The following CDH13 variants were observed in gnomAD, a reference collection of about 807,000 sequenced individuals.
CDH13 encodes cadherin-13.
Under a neutral mutation model 63.8 loss-of-function variants are expected in CDH13, and 24 were observed. The ratio of observed to expected loss-of-function variants is 0.38; its 90% CI spans 0.27 to 0.53. CDH13 has a LOEUF of 0.53. CDH13 is among the 20% of genes least tolerant of loss of function. The probability of loss-of-function intolerance (pLI) is 0.85; values close to 1 mark genes in which losing one functional copy is unlikely to be tolerated. For synonymous variants in CDH13, 503 were observed against 355.3 expected, an observed-to-expected ratio of 1.42 and a Z score of -4.67; for missense variants, 1,049 against 903.1, an observed-to-expected ratio of 1.16 and a Z score of -2.07.
intron 13 of CDH13, among the ~76,000 whole-genome samples, chr16:83,786,876 C>G (rs1195683591): frequency 6.6e-6 from 1 of 152,176 alleles, no homozygotes; most frequent in Non-Finnish European, 1.5e-5. Flanking sequence ...GTGTGAGCCA[C>G]CACACCCAGC....
At chr16:83,754,891 C>T (rs1225031164) in intron 11 of CDH13, among the ~76,000 whole-genome samples, 3 of 152,080 alleles carry the variant, frequency 2.0e-5, no homozygotes, top group African/African-American at 7.2e-5. Flanking sequence ...GAGGGAAAAA[C>T]TCATAGCACC....
intron 5 of CDH13, among the ~76,000 whole-genome samples, chr16:83,308,415 C>A (rs573324277): frequency 6.6e-6 from 1 of 152,244 alleles, no homozygotes; most frequent in South Asian, 2.1e-4. Flanking sequence ...ATTTCAAGGT[C>A]CAACACAGGA....
In CDH13 at chr16:83,633,988, T is replaced by G. The variant is rs1012563593; in HGVS notation, c.1101+31394T>G. 5.9e-5 allele frequency among the ~76,000 whole-genome samples: 9 copies of G among 152,314 alleles called. No homozygotes were observed. In the South Asian group the frequency reaches 1.0e-3, roughly 18 times the overall value. On this transcript the variant is annotated intron_variant, in intron 8 of 13. Coordinates refer to ENST00000567109, the MANE Select transcript of CDH13 (RefSeq NM_001257.5). ...ATAGTGCCAGAAGCACCTTGAACCC[T>G]TCTCTCAGCTTCCTCCGTAGTAACA...
chr16:82,892,276 C>G (rs770333442), intron 2 of CDH13, among the ~76,000 whole-genome samples: 15 of 152,166 alleles, frequency 9.9e-5, no homozygotes, highest in East Asian at 3.9e-4. Flanking sequence ...TAAGAATTTG[C>G]TTTTGTTATT....
At chr16:83,502,079 G>T (rs117689922) in intron 7 of CDH13, among the ~76,000 whole-genome samples, 3 of 152,168 alleles carry the variant, frequency 2.0e-5, no homozygotes, top group African/African-American at 7.2e-5. Flanking sequence ...CTCATAGCAC[G>T]GCCTGTGTGG....
chr16:83,434,426 C>T (rs759163548), intron 6 of CDH13, among the ~76,000 whole-genome samples: 14 of 152,132 alleles, frequency 9.2e-5, no homozygotes, highest in East Asian at 1.9e-4. Flanking sequence ...AAATATAAAG[C>T]AGTGTCTATC....
intron 6 of CDH13, among the ~76,000 whole-genome samples, chr16:83,468,499 G>A (rs1028686836): frequency 3.3e-5 from 5 of 152,194 alleles, no homozygotes; most frequent in African/African-American, 1.2e-4. Flanking sequence ...CCAGTTCGTG[G>A]TATTTGTTAC....
At chr16:82,657,316 C>G (rs1911413395) in intron 1 of CDH13, among the ~76,000 whole-genome samples, 1 of 152,190 alleles carries the variant, frequency 6.6e-6, no homozygotes, top group Non-Finnish European at 1.5e-5. Flanking sequence ...CTGTCTCTCT[C>G]AAAATCTGTT....
intron 5 of CDH13, among the ~76,000 whole-genome samples, chr16:83,245,720 A>G (rs969931379): frequency 1.3e-5 from 2 of 152,118 alleles, no homozygotes; most frequent in African/African-American, 2.4e-5. Flanking sequence ...GACTTAGTCA[A>G]TTTTTTTCCT....
At chr16:83,154,170 G>A (rs1031976581) in intron 4 of CDH13, among the ~76,000 whole-genome samples, 1 of 152,092 alleles carries the variant, frequency 6.6e-6, no homozygotes, top group African/African-American at 2.4e-5. Context: ...TTTGTCGTTT[G>A]CCATGACACG....
chr16:83,280,931 A>G (rs1413988479), intron 5 of CDH13, among the ~76,000 whole-genome samples: 2 of 152,350 alleles, frequency 1.3e-5, no homozygotes, highest in Admixed American at 6.5e-5. Flanking sequence ...TCAGTAAACT[A>G]TGGTGTTAAC....
At chr16:82,795,382 G>C (rs1238070687) in intron 1 of CDH13, among the ~76,000 whole-genome samples, 4 of 152,298 alleles carry the variant, frequency 2.6e-5, no homozygotes, top group Non-Finnish European at 5.9e-5. Context: ...ACAGCAAGGT[G>C]AGAAGCTTCA....
At chr16:82,854,265 G>A (rs543696702) in intron 1 of CDH13, among the ~76,000 whole-genome samples, 4 of 152,006 alleles carry the variant, frequency 2.6e-5, no homozygotes, top group Non-Finnish European at 2.9e-5. Flanking sequence ...GCTAGGCGTG[G>A]TGGCTGGCAC....
At position 83,367,111 on chromosome 16, in the gene CDH13, A is replaced by T. The variant is rs939420073; in HGVS notation, c.781+22105A>T. ...CCCAAAATGAAATTCTGGGCTCATT[A>T]ACGATCATTTCTCATTTCCTCGAAA... On this transcript the variant is annotated intron_variant, in intron 6 of 13. Transcript: ENST00000567109. Among the ~76,000 whole-genome samples the T allele has an allele frequency of 2.0e-5, 3 of 152,352 alleles. No homozygotes were observed. In the East Asian group the frequency reaches 5.8e-4, roughly 29 times the overall value.
At chr16:83,621,032 C>T (rs569088668) in intron 8 of CDH13, among the ~76,000 whole-genome samples, 1 of 152,204 alleles carries the variant, frequency 6.6e-6, no homozygotes, top group African/African-American at 2.4e-5. Context: ...ATATGCACGC[C>T]CTCGAGCCCT....
intron 10 of CDH13, chr16:83,717,232 C>G (rs1170600158): frequency 6.6e-6 from 1 of 152,096 alleles, no homozygotes; most frequent in Admixed American, 6.6e-5. Context: ...TACCCTCCAG[C>G]CTGGATGACA....
At chr16:82,672,889 A>G (rs1191428544) in intron 1 of CDH13, among the ~76,000 whole-genome samples, 1 of 150,982 alleles carries the variant, frequency 6.6e-6, no homozygotes, top group Non-Finnish European at 1.5e-5. Context: ...ATCATGACTC[A>G]CTGCCACTTC....
chr16:82,984,500 T>A (rs1567718317), intron 2 of CDH13, among the ~76,000 whole-genome samples: 1 of 152,228 alleles, frequency 6.6e-6, no homozygotes, highest in Non-Finnish European at 1.5e-5. Flanking sequence ...AGGATGGTAA[T>A]GACACCTTTT....
chr16:83,758,485 C>T (rs868497897), intron 11 of CDH13, among the ~76,000 whole-genome samples: 1 of 152,180 alleles, frequency 6.6e-6, no homozygotes, highest in Middle Eastern at 3.4e-3. Flanking sequence ...GAAGGAGCTG[C>T]TGCTACAGCA....
Sources: allele counts gnomAD v4.1 joint callset (sites outside exome capture counted in the v4.1 genomes callset), GRCh38; gene constraint gnomAD v4.1.1; transcripts MANE v1.5; gene names NCBI Gene and HGNC (gene_info 2026-07-23, HGNC 2026-07-21).